Variants in C1D observed in about 807,000 individuals in gnomAD.
The protein encoded by C1D is nuclear nucleic acid-binding protein C1D.
A neutral mutation model predicts 17.5 loss-of-function variants in C1D; 10 were observed. The observed-to-expected ratio is 0.57, with a 90% CI of 0.35 to 0.97. The LOEUF (loss-of-function observed/expected upper bound fraction) is 0.97, where lower values mean the gene tolerates loss of function less well. Ranked by LOEUF, C1D falls within the 50% of genes least tolerant of loss-of-function variation. The pLI, the probability that C1D is intolerant of heterozygous loss-of-function variation, is 0.01. For synonymous variants in C1D, 49 were observed against 54.0 expected (o/e 0.91, Z 0.40); for missense variants, 136 against 160.1 (o/e 0.85, Z 0.81).
intron 1 of C1D, among the ~76,000 whole-genome samples, chr2:68,057,284 T>C (rs866277114): frequency 2.0e-5 from 3 of 151,788 alleles, no homozygotes; most frequent in Admixed American, 1.3e-4. Flanking sequence ...CCCAAGTAGC[T>C]GGGATTACAG....
chr2:68,056,371 A>C (rs1462942070), intron 1 of C1D, among the ~76,000 whole-genome samples: 1 of 151,972 alleles, frequency 6.6e-6, no homozygotes, highest in East Asian at 1.9e-4. Flanking sequence ...CAAAGTGCTG[A>C]GATTACAGGT....
In C1D at chr2:68,041,217, A is replaced by G. The variant is rs545532871; in HGVS notation, c.*1672T>C. The G allele has an allele frequency of 2.0e-5, 3 of 152,170 alleles. No homozygotes were observed. The highest frequency in any genetic ancestry group is 4.4e-5 in the Non-Finnish European group (3 of 67,878). 9.4% of individuals were successfully genotyped at this position (152,170 alleles called of 1,614,324 possible). On this transcript the variant is annotated 3_prime_UTR_variant, in exon 5 of 5. Transcript: ENST00000410067. ...ATACTCAAACTTTTATTTCTACCTA[A>G]TAATGAAAGAATTACTCACTTAAAA... is the stretch of plus-strand genomic sequence containing the variant.
At position 68,042,587 on chromosome 2, in the gene C1D, T is replaced by A; in HGVS notation, c.*302A>T. 5.5e-6 allele frequency: 1 copy of A among 182,860 alleles called. No homozygotes were observed. The highest frequency in any genetic ancestry group is 1.2e-5 in the Non-Finnish European group (1 of 85,982). 11.3% of individuals were successfully genotyped at this position (182,860 alleles called of 1,614,324 possible). A position where few individuals can be genotyped will look rare whatever the true frequency, so the allele number is the denominator to read the frequency against. ...AAATGTTTACAAAGAACATTTCACT[T>A]AAATTTCACAGCTGCTTATAAAATG... On this transcript the variant is annotated 3_prime_UTR_variant, in exon 5 of 5. Transcript: ENST00000410067.
At chr2:68,052,535 G>A (rs1671320385) in intron 1 of C1D, among the ~76,000 whole-genome samples, 1 of 152,078 alleles carries the variant, frequency 6.6e-6, no homozygotes, top group African/African-American at 2.4e-5. Flanking sequence ...GAAGAACATA[G>A]TAGAGATTTT....
intron 1 of C1D, among the ~76,000 whole-genome samples, chr2:68,060,328 A>G (rs1283613026): frequency 6.6e-6 from 1 of 152,192 alleles, no homozygotes; most frequent in Non-Finnish European, 1.5e-5. Context: ...TAAACACAGC[A>G]GCCAGAGAAG....
In C1D at chr2:68,042,415, A is replaced by C. The variant is rs530222182; in HGVS notation, c.*474T>G. 6.2e-4 allele frequency: 95 copies of C among 152,856 alleles called. No homozygotes were observed. Among genetic ancestry groups the C allele is most frequent in the Non-Finnish European group, 9.8e-4 (67 of 68,064 alleles). The allele number at this position is 152,856 out of a possible 1,614,324, so 9.5% of individuals were successfully genotyped here. ...AAAGCAGTAATTCCTAAAATCATGA[A>C]AACATGATAAAGTATCTATACAGAA... On this transcript the variant is annotated 3_prime_UTR_variant, in exon 5 of 5. Coordinates refer to ENST00000410067, the MANE Select transcript of C1D (RefSeq NM_173177.3).
chr2:68,052,188 A>C (rs1328619576), intron 1 of C1D, among the ~76,000 whole-genome samples: 3 of 152,148 alleles, frequency 2.0e-5, no homozygotes, highest in Non-Finnish European at 4.4e-5. Flanking sequence ...TAATGTGCCT[A>C]ATATATGCCA....
At chr2:68,058,578 A>C (rs1671506314) in intron 1 of C1D, among the ~76,000 whole-genome samples, 1 of 152,186 alleles carries the variant, frequency 6.6e-6, no homozygotes, top group African/African-American at 2.4e-5. Flanking sequence ...TAAGTGGTAA[A>C]GTTCGGCAGA....
intron 1 of C1D, among the ~76,000 whole-genome samples, chr2:68,060,379 C>T (rs1428254513): frequency 6.6e-6 from 1 of 152,126 alleles, no homozygotes; most frequent in African/African-American, 2.4e-5. Context: ...CAGTGACTGA[C>T]GCCTGTAATC....
At chr2:68,044,066 T>C (rs1319469596) in intron 4 of C1D, among the ~76,000 whole-genome samples, 1 of 152,226 alleles carries the variant, frequency 6.6e-6, no homozygotes, top group Non-Finnish European at 1.5e-5. Flanking sequence ...ACCTTGTCAT[T>C]GAGGCCCTGA....
chr2:68,058,315 T>C (rs903749395), intron 1 of C1D, among the ~76,000 whole-genome samples: 5 of 152,140 alleles, frequency 3.3e-5, no homozygotes, highest in African/African-American at 1.2e-4. Context: ...TAGACATTAA[T>C]CAAAGAATCA....
intron 4 of C1D, 63 bp from the exon 5 acceptor site, chr2:68,043,116 A>T: frequency 1.6e-6 from 2 of 1,243,966 alleles, no homozygotes; most frequent in Non-Finnish European, 2.3e-6. Context: ...GAATTTTATT[A>T]TACTGTACAC....
At chr2:68,045,959 C>A in intron 4 of C1D, 29 bp downstream of exon 4, 1 of 1,463,370 alleles carries the variant, frequency 6.8e-7, no homozygotes, top group South Asian at 1.2e-5. Context: ...ACAACAAACA[C>A]ATAAAATAAA....
intron 1 of C1D, chr2:68,053,223 T>G: frequency 6.5e-7 from 1 of 1,546,590 alleles, no homozygotes; most frequent in East Asian, 2.4e-5. Context: ...ACTGAGTACC[T>G]GGGTTGCGGG....
intron 1 of C1D, among the ~76,000 whole-genome samples, chr2:68,049,517 A>C (rs1321227679): frequency 5.3e-5 from 8 of 152,214 alleles, no homozygotes; most frequent in Admixed American, 5.2e-4. Flanking sequence ...CCAAAACTAA[A>C]AAGAAGTACA....
rs1670995663 is a variant in C1D, at chr2:68,042,768, G to A, written c.*121C>T. On this transcript the variant is annotated 3_prime_UTR_variant, in exon 5 of 5. Coordinates refer to ENST00000410067, the MANE Select transcript of C1D (RefSeq NM_173177.3). ...AAGTATTTAGCTTTACATATTTACT[G>A]TGAATTTACATATTAATAAGAAACA... 5.5e-6 allele frequency: 3 copies of A among 544,800 alleles called. No individual in the cohort carries two copies. In the South Asian group the frequency reaches 6.1e-5, roughly 11 times the overall value. The allele number at this position is 544,800 out of a possible 1,614,324, so 33.7% of individuals were successfully genotyped here.
At chr2:68,049,571 A>T (rs181605032) in intron 1 of C1D, among the ~76,000 whole-genome samples, 63 of 152,340 alleles carry the variant, frequency 4.1e-4, no homozygotes, top group African/African-American at 1.4e-3. Flanking sequence ...ATTACACAGT[A>T]GTCAAAGACC....
intron 1 of C1D, among the ~76,000 whole-genome samples, chr2:68,056,006 T>G (rs1303611475): frequency 6.6e-6 from 1 of 152,228 alleles, no homozygotes; most frequent in African/African-American, 2.4e-5. Context: ...AGAGGAAGGT[T>G]ACTGGGTGCT....
intron 1 of C1D, among the ~76,000 whole-genome samples, chr2:68,054,826 C>T (rs1164896686): frequency 6.6e-6 from 1 of 151,648 alleles, no homozygotes; most frequent in Non-Finnish European, 1.5e-5. Context: ...ATTAGCTGGG[C>T]GTGATGGCAT....
Sources: allele counts gnomAD v4.1 joint callset (sites outside exome capture counted in the v4.1 genomes callset), GRCh38; gene constraint gnomAD v4.1.1; transcripts MANE v1.5; gene names NCBI Gene and HGNC (gene_info 2026-07-23, HGNC 2026-07-21).